TEX48: variants seen among roughly 807,000 people sequenced by gnomAD.
TEX48 encodes testis-expressed protein 48.
A neutral mutation model predicts 13.2 loss-of-function variants in TEX48; 10 were observed. The ratio of observed to expected loss-of-function variants is 0.75; its 90% CI spans 0.47 to 1.28. TEX48 has a LOEUF of 1.28. Ranked by LOEUF, TEX48 falls within the 50% of genes most tolerant of loss-of-function variation. The pLI is 0.00. For synonymous variants in TEX48, 45 were observed against 52.3 expected (o/e 0.86, Z 0.60); for missense variants, 116 against 139.4 (o/e 0.83, Z 0.84).
intron 1 of TEX48, among the ~76,000 whole-genome samples, chr9:114,672,680 C>G (rs528434153): frequency 6.6e-6 from 1 of 152,312 alleles, no homozygotes; most frequent in Admixed American, 6.5e-5. Context: ...TTCTCTTACC[C>G]TGAACTTCCT....
intron 3 of TEX48, among the ~76,000 whole-genome samples, 178 bp downstream of exon 3, chr9:114,671,205 G>A (rs1450773135): frequency 6.6e-6 from 1 of 152,168 alleles, no homozygotes; most frequent in Non-Finnish European, 1.5e-5. Context: ...AAGCACAAGA[G>A]TTTAAGCTCT....
In TEX48 at chr9:114,666,694, G is replaced by C. The variant is rs1827848270; in HGVS notation, c.312C>G (p.Arg104=). 6.5e-7 allele frequency: 1 copy of C among 1,535,278 alleles called. No individual in the cohort carries two copies. Among genetic ancestry groups the C allele is most frequent in the African/African-American group, 1.4e-5 (1 of 73,034 alleles). Residue 104 remains arginine (R), a synonymous_variant, in exon 5 of 5, where the codon CGC becomes CGG. Coordinates refer to ENST00000436752, the MANE Select transcript of TEX48 (RefSeq NM_001199233.2). ...GGAATGGCCAGTGCTCCTGGCAGTA[G>C]CGGTTTAAGTTTCTCTTGTAAAAAT... is the stretch of plus-strand genomic sequence containing the variant. ...QRNFYKRNLN[R]YCQEHWPFQP...
At chr9:114,673,832 G>A (rs1465224527) in intron 1 of TEX48, among the ~76,000 whole-genome samples, 2 of 150,412 alleles carry the variant, frequency 1.3e-5, no homozygotes, top group East Asian at 2.0e-4. Context: ...TTGAGACAGA[G>A]TTTTACTCTG....
intron 3 of TEX48, among the ~76,000 whole-genome samples, chr9:114,669,761 G>T (rs11793719): frequency 0.066 from 10,057 of 151,582 alleles, 424 homozygotes; most frequent in African/African-American, 0.12. Flanking sequence ...TTTATTATTT[G>T]TAGAGGTGGG....
intron 1 of TEX48, among the ~76,000 whole-genome samples, chr9:114,681,163 A>AT (rs1156770089): frequency 5.3e-5 from 8 of 152,118 alleles, no homozygotes; most frequent in Non-Finnish European, 1.2e-4. Context: ...TTGCACCTTG[A>AT]TTTTTTTCAA....
intron 1 of TEX48, among the ~76,000 whole-genome samples, chr9:114,677,019 GA>G (rs936931515): frequency 1.1e-4 from 17 of 152,102 alleles, no homozygotes; most frequent in African/African-American, 4.1e-4. Flanking sequence ...CTGACTGTTG[GA>G]AAAAAACTAT....
At chr9:114,673,901 G>A (rs547208005) in intron 1 of TEX48, among the ~76,000 whole-genome samples, 40 of 151,984 alleles carry the variant, frequency 2.6e-4, no homozygotes, top group African/African-American at 9.6e-4. Flanking sequence ...AAACTCCTGG[G>A]CTCAAGTGAT....
At chr9:114,678,196 AAACCTTCTG>A (rs1828112341) in intron 1 of TEX48, among the ~76,000 whole-genome samples, 1 of 132,404 alleles carries the variant, frequency 7.6e-6, no homozygotes, top group Non-Finnish European at 1.6e-5. Flanking sequence ...ACTCTTACTC[AAACCTTCTG>A]ACACCTGTTT....
chr9:114,677,115 G>A (rs1221102763), intron 1 of TEX48, among the ~76,000 whole-genome samples: 2 of 152,152 alleles, frequency 1.3e-5, no homozygotes, highest in African/African-American at 2.4e-5. Context: ...GATACGATGC[G>A]GGCTAGACAC....
intron 1 of TEX48, among the ~76,000 whole-genome samples, chr9:114,676,039 A>G (rs1240557721): frequency 6.6e-6 from 1 of 152,222 alleles, no homozygotes; most frequent in Admixed American, 6.5e-5. Flanking sequence ...ACAGCCTGTT[A>G]TTGTACAGTG....
At chr9:114,678,120 C>T (rs1272223171) in intron 1 of TEX48, among the ~76,000 whole-genome samples, 1 of 152,118 alleles carries the variant, frequency 6.6e-6, no homozygotes, top group East Asian at 1.9e-4. Context: ...AAATGCCAAA[C>T]ATAAATAGAA....
intron 1 of TEX48, among the ~76,000 whole-genome samples, chr9:114,674,605 C>CT (rs1165654967): frequency 5.4e-5 from 1 of 18,626 alleles, no homozygotes; most frequent in Non-Finnish European, 1.6e-4. Context: ...CTTTTTCTTT[C>CT]CTTCCTTCCT....
chr9:114,672,080 C>G (rs528467996), intron 1 of TEX48, among the ~76,000 whole-genome samples: 2 of 152,278 alleles, frequency 1.3e-5, no homozygotes, highest in South Asian at 4.1e-4. Context: ...AGTAAAGACT[C>G]ATATATATGA....
At chr9:114,681,635 T>C (rs909330162) in intron 1 of TEX48, among the ~76,000 whole-genome samples, 19 of 152,154 alleles carry the variant, frequency 1.2e-4, no homozygotes, top group Non-Finnish European at 1.8e-4. Context: ...CTGATGAATA[T>C]GTAGGGAGAT....
intron 1 of TEX48, among the ~76,000 whole-genome samples, chr9:114,673,199 G>A (rs532655500): frequency 8.5e-5 from 13 of 152,048 alleles, no homozygotes; most frequent in South Asian, 2.1e-4. Context: ...ACGACCGGGC[G>A]CGGTGGCTCA....
intron 1 of TEX48, among the ~76,000 whole-genome samples, chr9:114,672,704 A>C (rs1827970440): frequency 6.6e-6 from 1 of 152,166 alleles, no homozygotes; most frequent in African/African-American, 2.4e-5. Context: ...TAATTAATAC[A>C]AAAGTTGGGG....
At chr9:114,680,491 C>G (rs1828174432) in intron 1 of TEX48, among the ~76,000 whole-genome samples, 2 of 152,016 alleles carry the variant, frequency 1.3e-5, no homozygotes, top group South Asian at 4.2e-4. Context: ...TTTTATGTAG[C>G]CTCTGGTTTG....
At chr9:114,672,209 A>G (rs1047846663) in intron 1 of TEX48, among the ~76,000 whole-genome samples, 2 of 151,624 alleles carry the variant, frequency 1.3e-5, no homozygotes, top group Admixed American at 1.3e-4. Flanking sequence ...TCCAGGTCCT[A>G]TGGAAAGGAA....
intron 1 of TEX48, among the ~76,000 whole-genome samples, chr9:114,674,292 G>GC (rs906357967): frequency 1.5e-4 from 22 of 151,312 alleles, no homozygotes; most frequent in Admixed American, 6.6e-4. Flanking sequence ...AATTCCATTT[G>GC]CCCCCCCTGC....
Sources: allele counts gnomAD v4.1 joint callset (sites outside exome capture counted in the v4.1 genomes callset), GRCh38; gene constraint gnomAD v4.1.1; transcripts MANE v1.5; gene names NCBI Gene and HGNC (gene_info 2026-07-23, HGNC 2026-07-21).